Variants in PDE11A observed in about 807,000 individuals in gnomAD.
PDE11A encodes dual 3',5'-cyclic-AMP and -GMP phosphodiesterase 11A.
A neutral mutation model predicts 100.5 loss-of-function variants in PDE11A; 100 were observed. That is an observed-to-expected ratio of 1.00 (90% CI 0.85 to 1.18). The LOEUF (loss-of-function observed/expected upper bound fraction) is 1.18. Ranked by LOEUF, PDE11A falls within the 50% of genes most tolerant of loss-of-function variation. The probability of loss-of-function intolerance (pLI) is 0.00; values close to 1 mark genes in which losing one functional copy is unlikely to be tolerated. For synonymous variants in PDE11A, 381 were observed against 420.8 expected (o/e 0.91, Z 1.16); for missense variants, 1,141 against 1,152.6 (o/e 0.99, Z 0.15).
intron 2 of PDE11A, among the ~76,000 whole-genome samples, chr2:178,007,595 C>T (rs1294481084): frequency 6.6e-6 from 1 of 152,088 alleles, no homozygotes; most frequent in Non-Finnish European, 1.5e-5. Context: ...CAAATTATTC[C>T]AGGACTGAAG....
At chr2:177,720,093 T>A (rs917429426) in intron 12 of PDE11A, among the ~76,000 whole-genome samples, 1 of 152,116 alleles carries the variant, frequency 6.6e-6, no homozygotes, top group African/African-American at 2.4e-5. Flanking sequence ...TAGGGCTCCA[T>A]GTGCATGGAC....
Position 178,072,058 on chromosome 2 carries a change from C to T in PDE11A, c.380G>A (p.Arg127His), listed in dbSNP as rs1278608607. 4 of 1,613,758 alleles carry T rather than the reference C, an allele frequency of 2.5e-6. No homozygotes were observed. Among genetic ancestry groups the T allele is most frequent in the Non-Finnish European group, 3.4e-6 (4 of 1,179,684 alleles). Residue 127 changes from arginine to histidine, a missense_variant, in exon 1 of 20, where the codon CGC becomes CAC. Transcript: ENST00000286063. ...CCTGTTCACGTGGATGGCCTTGGAG[C>T]GGGCAAAACTCTTCCTTAGCTCTTT... ...SQKELRKSFA[R>H]SKAIHVNRTY...
chr2:177,912,754 T>C (rs1371617172), intron 2 of PDE11A, among the ~76,000 whole-genome samples: 2 of 152,240 alleles, frequency 1.3e-5, no homozygotes, highest in African/African-American at 2.4e-5. Context: ...TTTTGGAATA[T>C]ATTCAAGTTT....
At chr2:177,812,492 T>C (rs764070653) in intron 9 of PDE11A, among the ~76,000 whole-genome samples, 1 of 152,114 alleles carries the variant, frequency 6.6e-6, no homozygotes, top group Admixed American at 6.6e-5. Flanking sequence ...AATAGGTAGA[T>C]CAATGGGACA....
At chr2:177,897,738 C>T (rs918266232) in intron 4 of PDE11A, among the ~76,000 whole-genome samples, 2 of 152,150 alleles carry the variant, frequency 1.3e-5, no homozygotes, top group Non-Finnish European at 2.9e-5. Flanking sequence ...GAGACAGACA[C>T]TTGAGTTTAT....
chr2:177,711,716 G>T (rs1021394578), intron 13 of PDE11A, 53 bp downstream of exon 13: 1 of 983,844 alleles, frequency 1.0e-6, no homozygotes, highest in Non-Finnish European at 1.6e-6. Context: ...GTCACCTTTG[G>T]CTCTGAACAG....
chr2:178,085,427 C>G (rs1029606304), intron 2 of PDE11A, among the ~76,000 whole-genome samples: 1 of 152,116 alleles, frequency 6.6e-6, no homozygotes, highest in African/African-American at 2.4e-5. Context: ...CTATCAGATA[C>G]TATGCTCACT....
rs565421302 is a variant in PDE11A at position 177,994,371 on chromosome 2, C to T, written c.1071+19931G>A. On this transcript the variant is annotated intron_variant, in intron 2 of 19. Transcript: ENST00000286063. ...CTTTCTAAACACAGCACCAGACCCA[C>T]ATGTCTGTGTGTTGGATAAACTCCC... 4.6e-5 allele frequency among the ~76,000 whole-genome samples: 7 copies of T among 152,312 alleles called. No homozygotes were observed. The South Asian group carries it at 1.2e-3, about 27-fold the overall frequency.
At position 177,856,548 on chromosome 2, in the gene PDE11A, G is replaced by A. The variant is rs544631476; in HGVS notation, c.1368-16165C>T. Among the ~76,000 whole-genome samples, 7 of 152,022 alleles carry A rather than the reference G, an allele frequency of 4.6e-5. No homozygotes were observed. The South Asian group carries it at 1.5e-3, about 32-fold the overall frequency. On this transcript the variant is annotated intron_variant, in intron 5 of 19. Transcript: ENST00000286063. ...GGAAATCATATCTAAAGACTGAAAG[G>A]AAAATATGAGAAGGCTGTCTCCCAA... is the stretch of plus-strand genomic sequence containing the variant.
chr2:177,986,993 A>G (rs532622063), intron 2 of PDE11A, among the ~76,000 whole-genome samples: 4 of 152,350 alleles, frequency 2.6e-5, no homozygotes, highest in African/African-American at 9.6e-5. Context: ...CTTAGTGTCC[A>G]GTATTTCTCA....
At chr2:178,038,576 A>G (rs1356830359) in intron 1 of PDE11A, among the ~76,000 whole-genome samples, 5 of 152,188 alleles carry the variant, frequency 3.3e-5, no homozygotes, top group Admixed American at 6.6e-5. Context: ...AAATGGGCCA[A>G]TGACATGGAC....
intron 15 of PDE11A, among the ~76,000 whole-genome samples, chr2:177,684,542 A>G (rs2080914043): frequency 1.3e-5 from 2 of 152,146 alleles, no homozygotes; most frequent in East Asian, 1.9e-4. Flanking sequence ...GATGATATTC[A>G]CTGGGTCTTT....
intron 9 of PDE11A, among the ~76,000 whole-genome samples, chr2:177,788,644 A>C (rs1321536235): frequency 6.6e-6 from 1 of 152,052 alleles, no homozygotes; most frequent in Non-Finnish European, 1.5e-5. Context: ...ACTGCTAGCA[A>C]GACTAATAAA....
intron 2 of PDE11A, among the ~76,000 whole-genome samples, chr2:177,923,859 C>G (rs995923516): frequency 4.6e-5 from 7 of 152,278 alleles, no homozygotes; most frequent in Admixed American, 1.3e-4. Flanking sequence ...GAATGTTAGG[C>G]TGATGTTTCT....
chr2:177,887,390 A>G (rs187798407), intron 4 of PDE11A, among the ~76,000 whole-genome samples: 46 of 152,200 alleles, frequency 3.0e-4, no homozygotes, highest in African/African-American at 1.1e-3. Flanking sequence ...AATATAGATG[A>G]CTTGGACAAC....
chr2:177,990,737 CAA>C (rs71010847), intron 2 of PDE11A, among the ~76,000 whole-genome samples: 25 of 74,450 alleles, frequency 3.4e-4, no homozygotes, highest in Admixed American at 9.6e-4. Context: ...GACTCTGTCT[CAA>C]AAAAAAAAAA....
chr2:178,091,284 T>A (rs2087419547), intron 2 of PDE11A, among the ~76,000 whole-genome samples: 1 of 152,148 alleles, frequency 6.6e-6, no homozygotes, highest in African/African-American at 2.4e-5. Flanking sequence ...TTGACCAGGC[T>A]GATCTCCAAT....
At position 177,626,843 on chromosome 2, in the gene PDE11A, A is replaced by G. The variant is rs1363407842; in HGVS notation, c.*2564T>C. ...TGAGCAATTGATGACAGGGTTCTAC[A>G]CCTTCATTTTTTTTGGTTGGAAGTG... On this transcript the variant is annotated 3_prime_UTR_variant, in exon 20 of 20. Transcript: ENST00000286063. The G allele has an allele frequency of 1.4e-5, 2 of 142,240 alleles. No homozygotes were observed. Among genetic ancestry groups the G allele is most frequent in the African/African-American group, 2.7e-5 (1 of 37,602 alleles). 8.8% of individuals were successfully genotyped at this position (142,240 alleles called of 1,614,324 possible).
chr2:177,636,894 T>A (rs1054006181), intron 19 of PDE11A, among the ~76,000 whole-genome samples: 1 of 152,162 alleles, frequency 6.6e-6, no homozygotes, highest in African/African-American at 2.4e-5. Context: ...CTCGTCTCCA[T>A]CAGGTCTTCA....
Sources: allele counts gnomAD v4.1 joint callset (sites outside exome capture counted in the v4.1 genomes callset), GRCh38; gene constraint gnomAD v4.1.1; transcripts MANE v1.5; gene names NCBI Gene and HGNC (gene_info 2026-07-23, HGNC 2026-07-21).